MYOF: variants seen among roughly 807,000 people sequenced by gnomAD.
The protein encoded by MYOF is fer-1-like 3, myoferlin.
A neutral mutation model predicts 284.2 loss-of-function variants in MYOF; 244 were observed. The observed-to-expected ratio is 0.86, with a 90% CI of 0.77 to 0.95. The LOEUF (loss-of-function observed/expected upper bound fraction) is 0.95, where lower values mean the gene tolerates loss of function less well. MYOF is among the 40% of genes least tolerant of loss of function. The pLI, the probability that MYOF is intolerant of heterozygous loss-of-function variation, is 0.00. For missense variants in MYOF, 2,496 were observed against 2,560.6 expected (o/e 0.97, Z 0.54); for synonymous variants, 904 against 919.7 (o/e 0.98, Z 0.31).
rs761783294 is a variant in MYOF, at chr10:93,452,180, G to A, written c.145-39C>T. On this transcript the variant is annotated intron_variant, in intron 2 of 53. Coordinates refer to ENST00000359263, the MANE Select transcript of MYOF (RefSeq NM_013451.4). ...GGTTTTGAAAAAAGAGAAAAAAAAA[G>A]GCTGTTAGAAGGAGCAGAGATTACA... 13 of 1,401,646 alleles carry A rather than the reference G, an allele frequency of 9.3e-6. No homozygotes were observed. In the Middle Eastern group the frequency reaches 5.4e-4, roughly 58 times the overall value. 86.8% of individuals were successfully genotyped at this position (1,401,646 alleles called of 1,614,324 possible). A position where few individuals can be genotyped will look rare whatever the true frequency, so the allele number is the denominator to read the frequency against.
rs537989767 is a variant in MYOF, at chr10:93,372,988, G to A, written c.2399C>T (p.Thr800Ile). 1.4e-5 allele frequency: 22 copies of A among 1,614,194 alleles called. No homozygotes were observed. The highest frequency in any genetic ancestry group is 6.7e-5 in the East Asian group (3 of 44,892). ...RIPAHQVLYS[T>I]SGENASGKYC... ...TTTTCCAGATGCATTCTCACCACTG[G>A]TGGAGTACAAGACCTGATGTGCGGG... The change falls in exon 24 of 54, where the codon ACC becomes ATC. Residue 800 changes from threonine (T) to isoleucine (I), a missense_variant. Around this residue, in one of 3 missense-constraint regions of MYOF, gnomAD observed 2,436 missense variants for 2,480.7 expected, o/e 0.98. Transcript: ENST00000359263.
At chr10:93,369,526 G>T (rs1845491033) in intron 25 of MYOF, 119 bp downstream of exon 25, 2 of 1,403,196 alleles carry the variant, frequency 1.4e-6, no homozygotes, top group Admixed American at 4.1e-5. Flanking sequence ...TGGGATTTTA[G>T]GGGATGGTAA....
chr10:93,396,265 T>C (rs1290706589), intron 15 of MYOF, 41 bp from the exon 16 acceptor site: 1 of 1,399,806 alleles, frequency 7.1e-7, no homozygotes, highest in Admixed American at 2.1e-5. Flanking sequence ...AAATAAAAGG[T>C]TCAGAGCTCC....
intron 1 of MYOF, among the ~76,000 whole-genome samples, chr10:93,471,708 G>A (rs2057150187): frequency 6.6e-6 from 1 of 152,134 alleles, no homozygotes; most frequent in African/African-American, 2.4e-5. Context: ...GGCTAACATG[G>A]CAAAACCCCT....
At chr10:93,325,576 A>ACCCTGGTTTCTCTGTCTCATCTGT (rs1843009140) in intron 46 of MYOF, among the ~76,000 whole-genome samples, 1 of 152,198 alleles carries the variant, frequency 6.6e-6, no homozygotes, top group African/African-American at 2.4e-5. Context: ...ACTCAGAGAA[A>ACCCTGGTTTCTCTGTCTCATCTGT]CAGATGAGAC....
chr10:93,347,803 T>C (rs1447740889), intron 36 of MYOF, 21 bp from the exon 37 acceptor site: 2 of 1,603,330 alleles, frequency 1.2e-6, no homozygotes, highest in Admixed American at 3.4e-5. Flanking sequence ...CAAAGGTAGG[T>C]TTCATTTCTC....
At chr10:93,459,951 G>C (rs1332974059) in intron 1 of MYOF, among the ~76,000 whole-genome samples, 2 of 152,154 alleles carry the variant, frequency 1.3e-5, no homozygotes, top group African/African-American at 4.8e-5. Context: ...CAAAGGAGTG[G>C]ATCTGGACCC....
At chr10:93,412,271 TCAA>T (rs1847926650) in intron 5 of MYOF, among the ~76,000 whole-genome samples, 5 of 152,194 alleles carry the variant, frequency 3.3e-5, no homozygotes, top group African/African-American at 1.2e-4. Context: ...TCCTAGTACC[TCAA>T]CATCTTTTTC....
At chr10:93,425,685 C>A (rs1332379739) in intron 5 of MYOF, 3 of 203,272 alleles carry the variant, frequency 1.5e-5, no homozygotes, top group Non-Finnish European at 3.0e-5. Flanking sequence ...GGTGGTGGCA[C>A]CTTTGGGAGG....
At chr10:93,373,653 T>C (rs186154476) in intron 23 of MYOF, among the ~76,000 whole-genome samples, 1 of 152,242 alleles carries the variant, frequency 6.6e-6, no homozygotes, top group Admixed American at 6.5e-5. Flanking sequence ...GCATACAAAG[T>C]AGAAAATGAA....
chr10:93,448,681 T>C (rs1213552852), intron 3 of MYOF, among the ~76,000 whole-genome samples: 1 of 152,086 alleles, frequency 6.6e-6, no homozygotes, highest in Non-Finnish European at 1.5e-5. Context: ...AAACATAAGA[T>C]CTGAGGACAG....
chr10:93,389,933 C>A (rs760228476), intron 17 of MYOF, among the ~76,000 whole-genome samples: 4 of 152,214 alleles, frequency 2.6e-5, no homozygotes, highest in Non-Finnish European at 5.9e-5. Flanking sequence ...GTAAGGACCA[C>A]TGCTGGGAGC....
intron 21 of MYOF, among the ~76,000 whole-genome samples, chr10:93,378,715 ATG>A (rs1845974179): frequency 6.6e-5 from 9 of 137,218 alleles, no homozygotes; most frequent in Admixed American, 5.3e-4. Flanking sequence ...ATATATATAT[ATG>A]TATATATTTA....
At chr10:93,324,268 C>T (rs936330690) in intron 46 of MYOF, 2 of 152,206 alleles carry the variant, frequency 1.3e-5, no homozygotes, top group African/African-American at 4.8e-5. Context: ...ACAAACTGAT[C>T]TTCAAGAAAG....
intron 5 of MYOF, among the ~76,000 whole-genome samples, chr10:93,422,865 G>A (rs941341730): frequency 2.9e-4 from 44 of 152,044 alleles, no homozygotes; most frequent in African/African-American, 8.7e-4. Context: ...ATGGTGTGGC[G>A]CTGATCTCTT....
At chr10:93,339,804 G>A (rs930725700) in intron 39 of MYOF, among the ~76,000 whole-genome samples, 2 of 152,030 alleles carry the variant, frequency 1.3e-5, no homozygotes, top group African/African-American at 4.8e-5. Flanking sequence ...CCCAGGCTGG[G>A]CGCAGTGGCT....
intron 4 of MYOF, among the ~76,000 whole-genome samples, chr10:93,427,382 T>A (rs898091896): frequency 6.6e-6 from 1 of 151,618 alleles, no homozygotes; most frequent in Non-Finnish European, 1.5e-5. Context: ...AATACAAAAA[T>A]TAGCTGGGCT....
chr10:93,384,047 C>A (rs75834591), intron 19 of MYOF, among the ~76,000 whole-genome samples: 45 of 152,332 alleles, frequency 3.0e-4, no homozygotes, highest in African/African-American at 1.1e-3. Context: ...TTCTGGCCAT[C>A]AGCACAATTC....
Position 93,369,651 on chromosome 10 carries a change from A to T in MYOF, c.2583T>A (p.Ala861=), listed in dbSNP as rs757819386. 6.2e-7 allele frequency: 1 copy of T among 1,614,218 alleles called. No homozygotes were observed. The highest frequency in any genetic ancestry group is 2.2e-5 in the East Asian group (1 of 44,884). Residue 861 remains alanine (A), a synonymous_variant, in exon 25 of 54, where the codon GCT becomes GCA. Coordinates refer to ENST00000359263, the MANE Select transcript of MYOF (RefSeq NM_013451.4). ...GTGAAATCATTAAAGGTACCATTTC[A>T]GCAAAGACGGTGAAAGTTCCTTCTG... ...SFAEGTFTVF[A]EMYENQALMF...
Sources: gnomAD v4.1 joint callset for allele counts (sites outside exome capture counted in the v4.1 genomes callset) on GRCh38, gnomAD v4.1.1 for gene constraint, gnomAD v4.1.1 regional missense constraint, MANE v1.5 for transcripts, NCBI Gene and HGNC (gene_info 2026-07-23, HGNC 2026-07-21) for gene names.